The following RELN variants were observed in gnomAD, a reference collection of about 807,000 sequenced individuals.
The protein encoded by RELN is reelin.
In RELN, 108 loss-of-function variants were observed where a neutral mutation model predicts 427.6. That is an observed-to-expected ratio of 0.25 (90% confidence interval 0.22 to 0.30). RELN has a LOEUF of 0.30. Ranked by LOEUF, RELN falls within the 10% of genes least tolerant of loss-of-function variation. The pLI is 1.00. For synonymous variants in RELN, 1,524 were observed against 1,513.4 expected, an observed-to-expected ratio of 1.01 and a Z score of -0.16; for missense variants, 3,715 against 4,302.8, an observed-to-expected ratio of 0.86 and a Z score of 3.82.
chr7:103,509,560 A>T (rs1829328045), intron 51 of RELN, among the ~76,000 whole-genome samples: 1 of 152,208 alleles, frequency 6.6e-6, no homozygotes, highest in Non-Finnish European at 1.5e-5. Flanking sequence ...CCCTAAAAGA[A>T]AACTCAGGCA....
chr7:103,516,967 T>C (rs1829581002), intron 49 of RELN, among the ~76,000 whole-genome samples: 1 of 152,136 alleles, frequency 6.6e-6, no homozygotes, highest in African/African-American at 2.4e-5. Context: ...CTTTTTTCTA[T>C]TATGCCATCA....
intron 2 of RELN, among the ~76,000 whole-genome samples, chr7:103,904,090 G>A (rs1009693516): frequency 1.3e-5 from 2 of 152,074 alleles, no homozygotes; most frequent in Non-Finnish European, 2.9e-5. Context: ...CCACTTATAA[G>A]TGAGAACATG....
At chr7:103,665,094 T>G (rs966180301) in intron 11 of RELN, among the ~76,000 whole-genome samples, 8 of 152,150 alleles carry the variant, frequency 5.3e-5, no homozygotes, top group African/African-American at 1.9e-4. Context: ...GTGGTTTTAA[T>G]GAACCTGAAA....
chr7:103,797,523 G>A lies in RELN; in HGVS notation c.474-20896C>T, dbSNP rs932480203. On this transcript the variant is annotated intron_variant, in intron 3 of 64. Transcript: ENST00000428762. ...CCTACTGTTAACTTCTTACATAACC[G>A]TGGTTCATTTGTCCTTAAGAAATTA... Among the ~76,000 whole-genome samples the A allele has an allele frequency of 3.9e-5, 6 of 152,120 alleles. No individual in the cohort carries two copies. In the East Asian group the frequency reaches 7.7e-4, roughly 20 times the overall value.
At chr7:103,787,087 C>A (rs898563173) in intron 3 of RELN, among the ~76,000 whole-genome samples, 2 of 152,070 alleles carry the variant, frequency 1.3e-5, no homozygotes, top group Non-Finnish European at 2.9e-5. Context: ...AAAACCTGCT[C>A]CTGAATGACT....
rs538481594 is a variant in RELN at position 103,473,540 on chromosome 7, G to T, written c.10287-632C>A. On this transcript the variant is annotated intron_variant, in intron 64 of 64. Transcript: ENST00000428762. ...GGCCTTAGGAAAGAGACACTCCACT[G>T]AAAAGAGGTCATAAAATACTAAGAA... 3.9e-5 allele frequency among the ~76,000 whole-genome samples: 6 copies of T among 152,240 alleles called. No individual in the cohort carries two copies. In the South Asian group the frequency reaches 1.2e-3, roughly 32 times the overall value.
intron 4 of RELN, among the ~76,000 whole-genome samples, chr7:103,761,263 G>A (rs987299973): frequency 6.6e-6 from 1 of 152,040 alleles, no homozygotes; most frequent in Non-Finnish European, 1.5e-5. Flanking sequence ...TATTCCAATA[G>A]GAGCTATAAA....
chr7:103,790,788 C>T (rs909210257), intron 3 of RELN, among the ~76,000 whole-genome samples: 2 of 151,920 alleles, frequency 1.3e-5, no homozygotes, highest in East Asian at 1.9e-4. Flanking sequence ...ATGGTGAAAC[C>T]CTGTCTCTAC....
chr7:103,479,543 T>C (rs888998617), intron 63 of RELN, among the ~76,000 whole-genome samples: 16 of 152,086 alleles, frequency 1.1e-4, no homozygotes, highest in Admixed American at 3.3e-4. Flanking sequence ...GCAGGTTTTA[T>C]TGGAAAATAT....
intron 7 of RELN, among the ~76,000 whole-genome samples, chr7:103,725,646 C>T (rs1397896413): frequency 6.6e-6 from 1 of 152,050 alleles, no homozygotes; most frequent in Non-Finnish European, 1.5e-5. Flanking sequence ...ATTTTAAATT[C>T]TGAGAGCATA....
intron 18 of RELN, among the ~76,000 whole-genome samples, 153 bp downstream of exon 18, chr7:103,636,082 C>G (rs957387315): frequency 1.3e-5 from 2 of 152,086 alleles, no homozygotes; most frequent in African/African-American, 4.8e-5. Flanking sequence ...AAAACTAGGG[C>G]AAATTAACTC....
At position 103,692,450 on chromosome 7, in the gene RELN, C is replaced by T. The variant is rs539007352; in HGVS notation, c.1143+5403G>A. On this transcript the variant is annotated intron_variant, in intron 10 of 64. Transcript: ENST00000428762. ...CTGCCTCTTGCCTCTTCTTCTTCTT[C>T]CAGATCCAACCCTGGAGGATTAAGG... Among the ~76,000 whole-genome samples the T allele has an allele frequency of 8.3e-4, 126 of 152,220 alleles. 1 individual carries two copies. Among genetic ancestry groups the T allele is most frequent in the African/African-American group, 3.0e-3 (125 of 41,546 alleles).
intron 2 of RELN, among the ~76,000 whole-genome samples, chr7:103,858,002 G>GTT (rs34616950): frequency 8.7e-4 from 132 of 151,484 alleles, no homozygotes; most frequent in East Asian, 2.0e-3. Flanking sequence ...CTCTTCAATG[G>GTT]TTTCTTTTTT....
intron 48 of RELN, 108 bp downstream of exon 48, chr7:103,521,914 G>T (rs553097177): frequency 2.7e-6 from 3 of 1,097,242 alleles, no homozygotes; most frequent in African/African-American, 3.1e-5. Context: ...TACATTTAGG[G>T]TAACTAACCC....
intron 11 of RELN, among the ~76,000 whole-genome samples, chr7:103,679,018 C>G (rs1469115740): frequency 2.6e-5 from 4 of 152,154 alleles, no homozygotes; most frequent in African/African-American, 9.7e-5. Flanking sequence ...AGCTCTTACC[C>G]TAGATAAACA....
At chr7:103,726,450 T>C (rs577510176) in intron 7 of RELN, among the ~76,000 whole-genome samples, 18 of 152,284 alleles carry the variant, frequency 1.2e-4, no homozygotes, top group African/African-American at 4.3e-4. Flanking sequence ...TTTTCCTTTT[T>C]GGTTGAAAGG....
Position 103,907,414 on chromosome 7 carries a change from G to GAAAAAAAAAAAAAAA in RELN, c.337+9660_337+9661insTTTTTTTTTTTTTTT, listed in dbSNP as rs1795234328. Among the ~76,000 whole-genome samples, 2 of 39,714 alleles carry GAAAAAAAAAAAAAAA rather than the reference G, an allele frequency of 5.0e-5. 1 individual carries two copies. The highest frequency in any genetic ancestry group is 2.5e-4 in the African/African-American group (2 of 7,850). 26.1% of individuals were successfully genotyped at this position (39,714 alleles called of 152,430 possible). A position where few individuals can be genotyped will look rare whatever the true frequency, so the allele number is the denominator to read the frequency against. ...GCCTGGGCAACAAGATCAAGGCTCT[G>GAAAAAAAAAAAAAAA]GAAAAAAAAAAAAAAAAAAAAAAAA... On this transcript the variant is annotated intron_variant, in intron 2 of 64. Transcript: ENST00000428762.
At chr7:103,934,044 A>C (rs139284736) in intron 1 of RELN, among the ~76,000 whole-genome samples, 2 of 152,156 alleles carry the variant, frequency 1.3e-5, no homozygotes, top group African/African-American at 4.8e-5. Context: ...AGTGTTCTCA[A>C]TAGTGCCTAT....
intron 3 of RELN, among the ~76,000 whole-genome samples, chr7:103,817,339 T>C (rs1039808779): frequency 3.9e-5 from 6 of 152,178 alleles, no homozygotes; most frequent in Non-Finnish European, 7.3e-5. Context: ...TATAAATCCA[T>C]TAATTGAGAC....
Sources: gnomAD v4.1 joint callset for allele counts (sites outside exome capture counted in the v4.1 genomes callset) on GRCh38, gnomAD v4.1.1 for gene constraint, MANE v1.5 for transcripts, NCBI Gene and HGNC (gene_info 2026-07-23, HGNC 2026-07-21) for gene names.